Variants in TOM1L2 observed in about 807,000 individuals in gnomAD.
TOM1L2 encodes the protein target of myb1 like 2 membrane trafficking protein.
TOM1L2 carries 31 observed loss-of-function variants against 67.9 expected under a neutral mutation model. The observed-to-expected ratio is 0.46, with a 90% CI of 0.34 to 0.62. TOM1L2 has a LOEUF of 0.62. TOM1L2 is among the 20% of genes least tolerant of loss of function. The pLI, the probability that TOM1L2 is intolerant of heterozygous loss-of-function variation, is 0.01. For synonymous variants in TOM1L2, 256 were observed against 254.0 expected, an observed-to-expected ratio of 1.01 and a Z score of -0.07; for missense variants, 606 against 663.5, an observed-to-expected ratio of 0.91 and a Z score of 0.95.
chr17:17,914,575 C>T (rs1222465124), intron 1 of TOM1L2, among the ~76,000 whole-genome samples: 1 of 152,200 alleles, frequency 6.6e-6, no homozygotes, highest in Non-Finnish European at 1.5e-5. Context: ...TCATCCCTTC[C>T]TCTCCTCCTC....
chr17:17,894,980 C>T (rs897363359), intron 3 of TOM1L2, among the ~76,000 whole-genome samples: 1 of 151,542 alleles, frequency 6.6e-6, no homozygotes, highest in Non-Finnish European at 1.5e-5. Context: ...TACATACATG[C>T]ATGCATGCAT....
rs1467020257 is a variant in TOM1L2, at chr17:17,909,844, C to T, written c.53-2313G>A. Among the ~76,000 whole-genome samples the T allele has an allele frequency of 3.9e-5, 6 of 152,072 alleles. No individual in the cohort carries two copies. The East Asian group carries it at 5.8e-4, about 15-fold the overall frequency. On this transcript the variant is annotated intron_variant, in intron 1 of 14. Transcript: ENST00000379504. The stretch of plus-strand genomic sequence containing the variant: ...CAGGATTTGACAACAGCTTGGGCAA[C>T]ATAGCAAGACATTGTTTCTACAAAA...
At chr17:17,969,433 C>T (rs1340986153) in intron 1 of TOM1L2, among the ~76,000 whole-genome samples, 2 of 152,080 alleles carry the variant, frequency 1.3e-5, no homozygotes, top group African/African-American at 4.8e-5. Flanking sequence ...ACCAATCCCC[C>T]ACCCCCGCAC....
intron 2 of TOM1L2, among the ~76,000 whole-genome samples, chr17:17,901,443 G>A (rs2038852478): frequency 1.3e-5 from 2 of 152,170 alleles, no homozygotes; most frequent in African/African-American, 2.4e-5. Flanking sequence ...TGGCCTCTGG[G>A]CCATGATCAG....
intron 10 of TOM1L2, among the ~76,000 whole-genome samples, chr17:17,866,065 A>T (rs1371106513): frequency 6.6e-6 from 1 of 152,088 alleles, no homozygotes; most frequent in Non-Finnish European, 1.5e-5. Flanking sequence ...AATTCATTGG[A>T]ATTTCCCCCA....
chr17:17,869,488 C>A lies in TOM1L2; in HGVS notation c.778-15G>T. 1 of 1,596,496 alleles carries A rather than the reference C, an allele frequency of 6.3e-7. No individual in the cohort carries two copies. The highest frequency in any genetic ancestry group is 8.5e-7 in the Non-Finnish European group (1 of 1,170,588). On this transcript the variant is annotated splice_polypyrimidine_tract_variant and intron_variant, in intron 7 of 14. Transcript: ENST00000379504. ...CTGTTGAGCTCCTAGGGAACACATG[C>A]ACCTCTGGGTAGCCTGCTGGGTGTG...
chr17:17,845,757 C>T lies in TOM1L2; in HGVS notation c.*1878G>A, dbSNP rs2035611966. ...GAAGCCAGCTAACTTCAGCAGTCTT[C>T]ACATTCAAGCTGGCCTCAGGGGGGT... On this transcript the variant is annotated 3_prime_UTR_variant, in exon 15 of 15. Transcript: ENST00000379504. 2 of 152,306 alleles carry T rather than the reference C, an allele frequency of 1.3e-5. No individual in the cohort carries two copies. Among genetic ancestry groups the T allele is most frequent in the South Asian group, 2.1e-4 (1 of 4,836 alleles). 9.4% of individuals were successfully genotyped at this position (152,306 alleles called of 1,614,324 possible).
Position 17,851,548 on chromosome 17 carries a change from G to T in TOM1L2, c.1279-596C>A, listed in dbSNP as rs946330827. Reference sequence around the variant, plus strand: ...CTGGAGGAGGTGCGTGCTCCGCTGGGCTGGGTGTGGCCTGGTAGACAGAGG... The same window carrying T: ...CTGGAGGAGGTGCGTGCTCCGCTGGTCTGGGTGTGGCCTGGTAGACAGAGG... On this transcript the variant is annotated intron_variant, in intron 12 of 14. Transcript: ENST00000379504. Among the ~76,000 whole-genome samples, 3 of 152,330 alleles carry T rather than the reference G, an allele frequency of 2.0e-5. No individual in the cohort carries two copies. The South Asian group carries it at 6.2e-4, about 32-fold the overall frequency.
At position 17,861,570 on chromosome 17, in the gene TOM1L2, C is replaced by G. The variant is rs987022510; in HGVS notation, c.1203-19G>C. 6.2e-6 allele frequency: 10 copies of G among 1,613,026 alleles called. No homozygotes were observed. Among genetic ancestry groups the G allele is most frequent in the Non-Finnish European group, 8.5e-6 (10 of 1,179,278 alleles). On this transcript the variant is annotated intron_variant, in intron 11 of 14. Coordinates refer to ENST00000379504, the MANE Select transcript of TOM1L2 (RefSeq NM_001082968.2). ...GGTTACCCTGGAGATGAAGAAGCAGCACAAGCAGAGTTCATTTTCCTCCAG... is the reference window on the plus strand; with the variant it reads ...GGTTACCCTGGAGATGAAGAAGCAGGACAAGCAGAGTTCATTTTCCTCCAG...
intron 1 of TOM1L2, among the ~76,000 whole-genome samples, chr17:17,917,108 C>T (rs1052267289): frequency 2.6e-5 from 4 of 151,972 alleles, no homozygotes; most frequent in South Asian, 2.1e-4. Context: ...TGCAATGAGC[C>T]GAGATCACGC....
In TOM1L2 at chr17:17,879,627, C is replaced by A; in HGVS notation, c.777G>T (p.Gln259His). 1 of 1,612,926 alleles carries A rather than the reference C, an allele frequency of 6.2e-7. No homozygotes were observed. The highest frequency in any genetic ancestry group is 8.5e-7 in the Non-Finnish European group (1 of 1,178,884). ...QEDSSDLELL[Q>H]ELNRTCRAMQ... ...CAAGTGCTTCTGAAAGATGACTCAC[C>A]TGCAGCAACTCCAGATCAGATGAAT... Residue 259 changes from glutamine to histidine, a missense_variant and splice_region_variant, in exon 7 of 15, where the codon CAG becomes CAT. Transcript: ENST00000379504.
intron 1 of TOM1L2, among the ~76,000 whole-genome samples, chr17:17,968,389 G>A (rs1202150786): frequency 2.0e-5 from 3 of 152,172 alleles, no homozygotes; most frequent in South Asian, 4.1e-4. Context: ...TCTTTGGGCC[G>A]GGCGCAATGG....
intron 1 of TOM1L2, among the ~76,000 whole-genome samples, chr17:17,915,137 G>GT (rs963365643): frequency 6.6e-6 from 1 of 152,198 alleles, no homozygotes; most frequent in South Asian, 2.1e-4. Flanking sequence ...TATTATCTGA[G>GT]TATCGGCGAA....
chr17:17,966,996 G>A (rs1377326154), intron 1 of TOM1L2, among the ~76,000 whole-genome samples: 1 of 152,144 alleles, frequency 6.6e-6, no homozygotes, highest in Admixed American at 6.5e-5. Flanking sequence ...CTTGCAGATG[G>A]CCTACTGTGG....
intron 4 of TOM1L2, among the ~76,000 whole-genome samples, chr17:17,890,126 T>C (rs1399956938): frequency 1.3e-5 from 2 of 152,144 alleles, no homozygotes; most frequent in Non-Finnish European, 2.9e-5. Flanking sequence ...ATATTCAACA[T>C]GCAAATAAAA....
At chr17:17,940,690 A>T (rs2040696822) in intron 1 of TOM1L2, among the ~76,000 whole-genome samples, 1 of 152,236 alleles carries the variant, frequency 6.6e-6, no homozygotes, top group African/African-American at 2.4e-5. Context: ...TCCTAATTAA[A>T]GGCTGGTCTC....
intron 1 of TOM1L2, among the ~76,000 whole-genome samples, chr17:17,952,031 T>C (rs1370771696): frequency 1.3e-5 from 2 of 152,092 alleles, no homozygotes; most frequent in African/African-American, 2.4e-5. Context: ...ACTACACAAA[T>C]ATAGAAATGC....
intron 1 of TOM1L2, among the ~76,000 whole-genome samples, chr17:17,965,112 G>A (rs1439895253): frequency 1.3e-5 from 2 of 150,298 alleles, no homozygotes; most frequent in African/African-American, 2.5e-5. Flanking sequence ...CCCCAATTCT[G>A]CACAGAAGCG....
intron 1 of TOM1L2, among the ~76,000 whole-genome samples, chr17:17,952,154 G>A (rs2041229950): frequency 6.6e-6 from 1 of 152,122 alleles, no homozygotes; most frequent in Non-Finnish European, 1.5e-5. Flanking sequence ...TGCACAATGA[G>A]ATAGATCTAA....
Sources: allele counts gnomAD v4.1 joint callset (sites outside exome capture counted in the v4.1 genomes callset), GRCh38; gene constraint gnomAD v4.1.1; transcripts MANE v1.5; gene names NCBI Gene and HGNC (gene_info 2026-07-23, HGNC 2026-07-21).